EPHA6: variants seen among roughly 807,000 people sequenced by gnomAD.
EPHA6 encodes ephrin type-A receptor 6.
In EPHA6, 50 loss-of-function variants were observed where a neutral mutation model predicts 112.0. The ratio of observed to expected loss-of-function variants is 0.45; its 90% CI spans 0.36 to 0.56. The LOEUF (loss-of-function observed/expected upper bound fraction) is 0.56. Ranked by LOEUF, EPHA6 falls within the 20% of genes least tolerant of loss-of-function variation. The pLI, the probability that EPHA6 is intolerant of heterozygous loss-of-function variation, is 0.00. For missense variants in EPHA6, 1,280 were observed against 1,417.4 expected, an observed-to-expected ratio of 0.90 and a Z score of 1.56; for synonymous variants, 529 against 490.7, an observed-to-expected ratio of 1.08 and a Z score of -1.03.
intron 10 of EPHA6, among the ~76,000 whole-genome samples, chr3:97,494,595 C>T (rs1244381390): frequency 1.3e-5 from 2 of 152,060 alleles, no homozygotes; most frequent in Non-Finnish European, 2.9e-5. Flanking sequence ...GACCATCCAG[C>T]ATTTATCAGA....
At chr3:97,165,921 C>T (rs1389633650) in intron 3 of EPHA6, among the ~76,000 whole-genome samples, 1 of 152,042 alleles carries the variant, frequency 6.6e-6, no homozygotes, top group African/African-American at 2.4e-5. Flanking sequence ...GTTTGCAATG[C>T]AGTCTGACAA....
At chr3:97,718,215 A>G (rs1363007095) in intron 14 of EPHA6, among the ~76,000 whole-genome samples, 1 of 152,232 alleles carries the variant, frequency 6.6e-6, no homozygotes, top group Non-Finnish European at 1.5e-5. Context: ...GAGGCACTTT[A>G]GTCACAAACA....
chr3:97,711,616 T>C (rs1401372280), intron 14 of EPHA6, among the ~76,000 whole-genome samples: 4 of 152,064 alleles, frequency 2.6e-5, no homozygotes, highest in African/African-American at 7.2e-5. Flanking sequence ...AGTTCTGATG[T>C]TCAAGAGCAG....
At chr3:97,020,649 A>G (rs1368662811) in intron 3 of EPHA6, among the ~76,000 whole-genome samples, 1 of 152,212 alleles carries the variant, frequency 6.6e-6, no homozygotes, top group African/African-American at 2.4e-5. Flanking sequence ...AGTTACCCAA[A>G]AAAGGTTTCA....
At chr3:96,857,591 A>G (rs2107407643) in intron 1 of EPHA6, among the ~76,000 whole-genome samples, 1 of 152,260 alleles carries the variant, frequency 6.6e-6, no homozygotes. Context: ...GATTTTATTT[A>G]TCAAATAATT....
intron 3 of EPHA6, among the ~76,000 whole-genome samples, chr3:97,081,215 C>A (rs2108198752): frequency 6.6e-6 from 1 of 151,870 alleles, no homozygotes; most frequent in East Asian, 1.9e-4. Flanking sequence ...TGAAATTAGG[C>A]AGGAACTGAT....
chr3:97,418,051 A>G (rs1225535144), intron 6 of EPHA6, among the ~76,000 whole-genome samples: 2 of 152,146 alleles, frequency 1.3e-5, no homozygotes, highest in Admixed American at 1.3e-4. Context: ...CTATGTTTGA[A>G]AAGTTTAAAA....
intron 6 of EPHA6, among the ~76,000 whole-genome samples, chr3:97,439,886 A>G (rs1343331185): frequency 6.6e-6 from 1 of 152,162 alleles, no homozygotes; most frequent in Non-Finnish European, 1.5e-5. Context: ...CAAAGCAGAA[A>G]TTTTAGTAGT....
At chr3:97,706,486 C>A (rs1258961126) in intron 14 of EPHA6, among the ~76,000 whole-genome samples, 1 of 152,178 alleles carries the variant, frequency 6.6e-6, no homozygotes, top group Non-Finnish European at 1.5e-5. Flanking sequence ...AGTTGTCTAA[C>A]CAAGTCTTCG....
intron 3 of EPHA6, among the ~76,000 whole-genome samples, chr3:97,186,565 C>T (rs1280407967): frequency 6.6e-6 from 1 of 152,022 alleles, no homozygotes; most frequent in Non-Finnish European, 1.5e-5. Flanking sequence ...TTACTGGGTG[C>T]CAAACGTATC....
intron 3 of EPHA6, among the ~76,000 whole-genome samples, chr3:97,210,719 TA>T (rs903744246): frequency 1.2e-4 from 18 of 152,102 alleles, no homozygotes; most frequent in Non-Finnish European, 2.4e-4. Flanking sequence ...CAGTGCTACA[TA>T]AAAAAACACC....
chr3:97,449,993 G>A (rs1227020410), intron 7 of EPHA6, among the ~76,000 whole-genome samples: 1 of 152,042 alleles, frequency 6.6e-6, no homozygotes, highest in African/African-American at 2.4e-5. Context: ...AAGTGCTGAT[G>A]TATTTAAGTA....
At chr3:97,371,945 G>A (rs987147685) in intron 5 of EPHA6, among the ~76,000 whole-genome samples, 14 of 152,066 alleles carry the variant, frequency 9.2e-5, no homozygotes, top group East Asian at 1.9e-4. Context: ...TGGTCAGAAC[G>A]GTTGTCTGCT....
intron 2 of EPHA6, among the ~76,000 whole-genome samples, chr3:96,917,464 A>C (rs1366906635): frequency 7.0e-6 from 1 of 143,576 alleles, no homozygotes; most frequent in East Asian, 2.0e-4. Context: ...TATAGTTTTT[A>C]TTTCTCTCTC....
chr3:97,505,330 C>T (rs1228115791), intron 10 of EPHA6, among the ~76,000 whole-genome samples: 1 of 151,948 alleles, frequency 6.6e-6, no homozygotes, highest in Non-Finnish European at 1.5e-5. Context: ...CTAATGCTAT[C>T]CCTCCCCTAG....
At chr3:97,243,096 A>G (rs925067437) in intron 4 of EPHA6, among the ~76,000 whole-genome samples, 6 of 151,838 alleles carry the variant, frequency 4.0e-5, no homozygotes, top group Non-Finnish European at 5.9e-5. Context: ...GCGGCTATCA[A>G]GCACTCTACA....
chr3:97,564,114 ATAAT>A (rs2093228920), intron 11 of EPHA6, among the ~76,000 whole-genome samples: 2 of 152,282 alleles, frequency 1.3e-5, no homozygotes, highest in South Asian at 2.1e-4. Flanking sequence ...AAAACTAAAA[ATAAT>A]TAATAAAACT....
intron 3 of EPHA6, among the ~76,000 whole-genome samples, chr3:97,052,221 CA>C (rs774335277): frequency 4.6e-5 from 7 of 152,068 alleles, no homozygotes; most frequent in Non-Finnish European, 8.8e-5. Flanking sequence ...CTATTTCCCC[CA>C]TGCCTGCCTC....
intron 5 of EPHA6, among the ~76,000 whole-genome samples, chr3:97,395,587 A>T: frequency 6.6e-6 from 1 of 151,810 alleles, no homozygotes; most frequent in East Asian, 1.9e-4. Flanking sequence ...AAAGGAAAAA[A>T]TTATATAGTC....
Sources: allele counts gnomAD v4.1 joint callset (sites outside exome capture counted in the v4.1 genomes callset), GRCh38; gene constraint gnomAD v4.1.1; transcripts MANE v1.5; gene names NCBI Gene and HGNC (gene_info 2026-07-23, HGNC 2026-07-21).